Variants in LRP4 observed in about 807,000 individuals in gnomAD.
The protein encoded by LRP4 is low-density lipoprotein receptor-related protein 4.
Under a neutral mutation model 220.3 loss-of-function variants are expected in LRP4, and 95 were observed. That is an observed-to-expected ratio of 0.43 (90% CI 0.37 to 0.51). The LOEUF (loss-of-function observed/expected upper bound fraction) is 0.51, where lower values mean the gene tolerates loss of function less well. LRP4 is among the 20% of genes least tolerant of loss of function. LRP4 has a pLI of 0.00. For synonymous variants in LRP4, 903 were observed against 954.6 expected (o/e 0.95, Z 1.00); for missense variants, 1,925 against 2,567.0 (o/e 0.75, Z 5.40).
chr11:46,909,779 A>G (rs1941826366), intron 1 of LRP4, among the ~76,000 whole-genome samples: 1 of 151,992 alleles, frequency 6.6e-6, no homozygotes, highest in South Asian at 2.1e-4. Context: ...ATCTTGTGAA[A>G]GCTGGAGTCA....
intron 1 of LRP4, among the ~76,000 whole-genome samples, chr11:46,915,719 T>C (rs1941937147): frequency 6.6e-6 from 1 of 152,166 alleles, no homozygotes; most frequent in Admixed American, 6.6e-5. Flanking sequence ...AATTTTTGTA[T>C]TTTTAGTAGA....
At chr11:46,884,871 C>T (rs1048091852) in intron 18 of LRP4, among the ~76,000 whole-genome samples, 52 of 152,056 alleles carry the variant, frequency 3.4e-4, no homozygotes, top group Admixed American at 5.9e-4. Flanking sequence ...GAGATTGCGC[C>T]GCTGCACTCC....
chr11:46,910,452 CTT>C (rs1205889694), intron 1 of LRP4, among the ~76,000 whole-genome samples: 1 of 152,140 alleles, frequency 6.6e-6, no homozygotes, highest in Admixed American at 6.6e-5. Flanking sequence ...AATAATAGCT[CTT>C]GTTATTACTA....
In LRP4 at chr11:46,896,949, C is replaced by T. The variant is rs146670859; in HGVS notation, c.842G>A (p.Arg281His). The T allele has an allele frequency of 2.2e-5, 35 of 1,614,076 alleles. No individual in the cohort carries two copies. The highest frequency in any genetic ancestry group is 2.7e-5 in the African/African-American group (2 of 74,930). ...TAEQFRCHSG[R>H]CVRLSWRCDG... Reference sequence around the variant, plus strand: ...ACAGCGCCAGGACAGGCGGACACAGCGGCCTGAGTGACAGCGGAACTGTTC... The same window carrying T: ...ACAGCGCCAGGACAGGCGGACACAGTGGCCTGAGTGACAGCGGAACTGTTC... The change falls in exon 8 of 38, where the codon CGC (arginine) becomes CAC (histidine). Residue 281 changes from arginine (R) to histidine (H), a missense_variant. Arg to His is a conservative substitution (Grantham distance 29, BLOSUM62 0). Around this residue, in one of 3 missense-constraint regions of LRP4, gnomAD observed 412 missense variants for 505.4 expected, o/e 0.82. Transcript: ENST00000378623.
chr11:46,913,877 C>T (rs930300110), intron 1 of LRP4, among the ~76,000 whole-genome samples: 4 of 152,084 alleles, frequency 2.6e-5, no homozygotes, highest in African/African-American at 4.8e-5. Flanking sequence ...GGGAACTATG[C>T]TTCGGTTCTA....
chr11:46,867,767 T>G (rs900550903), intron 34 of LRP4, among the ~76,000 whole-genome samples: 14 of 152,194 alleles, frequency 9.2e-5, no homozygotes, highest in African/African-American at 3.4e-4. Flanking sequence ...AGCCTTAAAG[T>G]TGTTCTTAAA....
At chr11:46,910,649 T>C (rs189504077) in intron 1 of LRP4, among the ~76,000 whole-genome samples, 6 of 149,946 alleles carry the variant, frequency 4.0e-5, no homozygotes, top group Non-Finnish European at 7.4e-5. Context: ...TGAAAGAGCT[T>C]GAGGCACATG....
chr11:46,884,505 G>A (rs1459337459), intron 18 of LRP4, among the ~76,000 whole-genome samples: 1 of 152,010 alleles, frequency 6.6e-6, no homozygotes, highest in Non-Finnish European at 1.5e-5. Flanking sequence ...GGGAGGCCGA[G>A]GCGGGTGGAT....
Position 46,898,592 on chromosome 11 carries a change from C to T in LRP4, c.762G>A (p.Ala254=), listed in dbSNP as rs759453211. 1.2e-5 allele frequency: 19 copies of T among 1,614,068 alleles called. No homozygotes were observed. Among genetic ancestry groups the T allele is most frequent in the East Asian group, 6.7e-5 (3 of 44,888 alleles). ...GCTCATCAGACTGGTCATCACAGTC[C>T]GCGTCACCATCGCAGCGCCAGCCTG... ...INAGWRCDGD[A]DCDDQSDERN... Residue 254 remains alanine, a synonymous_variant, in exon 7 of 38, where the codon GCG becomes GCA. Transcript: ENST00000378623.
intron 30 of LRP4, 157 bp downstream of exon 30, chr11:46,872,943 C>A: frequency 4.5e-6 from 5 of 1,116,522 alleles, no homozygotes; most frequent in Non-Finnish European, 6.7e-6. Flanking sequence ...ATTTAGCAAT[C>A]GCTGCTCTAA....
intron 1 of LRP4, among the ~76,000 whole-genome samples, chr11:46,913,052 T>A (rs1270891590): frequency 3.3e-5 from 5 of 151,956 alleles, no homozygotes; most frequent in Non-Finnish European, 7.4e-5. Context: ...CTATCCCCAG[T>A]TGGGTCCCAG....
intron 1 of LRP4, among the ~76,000 whole-genome samples, chr11:46,903,595 G>A (rs1941709050): frequency 1.3e-5 from 2 of 152,322 alleles, no homozygotes; most frequent in South Asian, 2.1e-4. Context: ...GGGTGATGTT[G>A]AGAGGCCTCC....
chr11:46,875,922 C>A lies in LRP4; in HGVS notation c.3581G>T (p.Arg1194Leu). ...TDWGENAKLE[R>L]SGMDGSDRAV... The stretch of plus-strand genomic sequence containing the variant: ...GCGGTCTGAGCCATCCATTCCGGAC[C>A]GCTCTAACTTGGCATTCTCCCCCCA... Residue 1194 changes from arginine (R) to leucine (L), a missense_variant, in exon 26 of 38, where the codon CGG becomes CTG. Arg to Leu is a moderately radical substitution (Grantham distance 102, BLOSUM62 -2). Coordinates refer to ENST00000378623, the MANE Select transcript of LRP4 (RefSeq NM_002334.4). This position sits in a 1 kb window ranked among gnomAD's most constrained non-coding sequence, Gnocchi z 4.5. 1 of 1,614,074 alleles carries A rather than the reference C, an allele frequency of 6.2e-7. No homozygotes were observed. The highest frequency in any genetic ancestry group is 8.5e-7 in the Non-Finnish European group (1 of 1,180,022).
At chr11:46,880,474 C>T (rs912152499) in intron 20 of LRP4, among the ~76,000 whole-genome samples, 1 of 151,944 alleles carries the variant, frequency 6.6e-6, no homozygotes, top group Non-Finnish European at 1.5e-5. Context: ...GCCTCAAACC[C>T]GTAGGCTCCT....
At chr11:46,916,987 C>T (rs1169204321) in intron 1 of LRP4, among the ~76,000 whole-genome samples, 1 of 152,192 alleles carries the variant, frequency 6.6e-6, no homozygotes, top group Non-Finnish European at 1.5e-5. Context: ...GCCGGCCAAG[C>T]TACCGCTCTT....
chr11:46,914,422 T>C (rs1941915889), intron 1 of LRP4, among the ~76,000 whole-genome samples: 1 of 152,232 alleles, frequency 6.6e-6, no homozygotes, highest in Admixed American at 6.5e-5. Context: ...ATGCTCCCGA[T>C]TGTACGAGGA....
In LRP4 at chr11:46,876,895, T is replaced by TTCA. The variant is rs576404131; in HGVS notation, c.3278-68_3278-66dup. The TTCA allele has an allele frequency of 2.2e-5, 28 of 1,280,016 alleles. No homozygotes were observed. In the South Asian group the frequency reaches 3.2e-4, roughly 15 times the overall value. 79.3% of individuals were successfully genotyped at this position (1,280,016 alleles called of 1,614,324 possible). The stretch of plus-strand genomic sequence containing the variant: ...CCTACAATGGGACACACACAGCTGA[T>TTCA]TCATGTCTTGAAACACCAGAGCATG... On this transcript the variant is annotated intron_variant, in intron 23 of 37. Coordinates refer to ENST00000378623, the MANE Select transcript of LRP4 (RefSeq NM_002334.4).
intron 13 of LRP4, among the ~76,000 whole-genome samples, chr11:46,892,426 TA>T (rs1941441971): frequency 6.6e-6 from 1 of 152,004 alleles, no homozygotes; most frequent in Non-Finnish European, 1.5e-5. Flanking sequence ...ATGATGGAGG[TA>T]TTTTTTTTTA....
At position 46,890,129 on chromosome 11, in the gene LRP4, A is replaced by G. The variant is rs1332659258; in HGVS notation, c.1916-9T>C. 3 of 1,613,920 alleles carry G rather than the reference A, an allele frequency of 1.9e-6. No homozygotes were observed. The highest frequency in any genetic ancestry group is 1.3e-5 in the African/African-American group (1 of 74,998). On this transcript the variant is annotated splice_polypyrimidine_tract_variant and intron_variant, in intron 14 of 37. Transcript: ENST00000378623. The surrounding 1 kb of genome is among the most constrained non-coding windows in gnomAD (Gnocchi z 5.3). Reference sequence around the variant, plus strand: ...GAAGGGATGCGGGAGGCCTGGGGAAAGTCCAGGAAGACCTCAGTCTGGACG... The same window carrying G: ...GAAGGGATGCGGGAGGCCTGGGGAAGGTCCAGGAAGACCTCAGTCTGGACG...
Sources: gnomAD v4.1 joint callset for allele counts (sites outside exome capture counted in the v4.1 genomes callset) on GRCh38, gnomAD v4.1.1 for gene constraint, gnomAD v4.1.1 regional missense constraint, Gnocchi (gnomAD v3.1) non-coding constraint, MANE v1.5 for transcripts, NCBI Gene and HGNC (gene_info 2026-07-23, HGNC 2026-07-21) for gene names.